The following HIVEP3 variants were observed in gnomAD, a reference collection of about 807,000 sequenced individuals.
The protein encoded by HIVEP3 is transcription factor HIVEP3.
In HIVEP3, 49 loss-of-function variants were observed where a neutral mutation model predicts 152.8. The ratio of observed to expected loss-of-function variants is 0.32; its 90% CI spans 0.26 to 0.41. The LOEUF (loss-of-function observed/expected upper bound fraction) is 0.41. HIVEP3 is among the 10% of genes least tolerant of loss of function. HIVEP3 has a pLI of 1.00. For missense variants in HIVEP3, 2,790 were observed against 3,103.3 expected, an observed-to-expected ratio of 0.90 and a Z score of 2.40; for synonymous variants, 1,269 against 1,289.0, an observed-to-expected ratio of 0.98 and a Z score of 0.33.
chr1:41,902,467 C>T (rs1363541625), intron 1 of HIVEP3, among the ~76,000 whole-genome samples: 2 of 152,132 alleles, frequency 1.3e-5, no homozygotes, highest in Non-Finnish European at 2.9e-5. Flanking sequence ...TACACCCCCA[C>T]CCCCCACTGC....
intron 2 of HIVEP3, among the ~76,000 whole-genome samples, chr1:41,682,622 G>A (rs911787709): frequency 6.6e-6 from 1 of 152,098 alleles, no homozygotes; most frequent in African/African-American, 2.4e-5. Context: ...GGAAACTGAC[G>A]CCCAGCCGGG....
chr1:41,832,119 C>A (rs535117629), intron 1 of HIVEP3, among the ~76,000 whole-genome samples: 1 of 152,314 alleles, frequency 6.6e-6, no homozygotes, highest in African/African-American at 2.4e-5. Flanking sequence ...GATGTTGATG[C>A]TTCTAGCCTA....
intron 1 of HIVEP3, among the ~76,000 whole-genome samples, chr1:41,961,461 A>ATC (rs1398755933): frequency 6.6e-6 from 1 of 152,266 alleles, no homozygotes; most frequent in Non-Finnish European, 1.5e-5. Context: ...TAGCACTTGC[A>ATC]TCTTGTATTT....
chr1:41,580,559 C>T lies in HIVEP3; in HGVS notation c.4239G>A (p.Glu1413=). ...PERKGTSLSS[E]SILSLEGSSS... Reference sequence around the variant, plus strand: ...AACTCCCCTCCAGGCTCAAGATACTCTCTGATGACAGGGAAGTGCCTTTTC... The same window carrying T: ...AACTCCCCTCCAGGCTCAAGATACTTTCTGATGACAGGGAAGTGCCTTTTC... The change falls in exon 4 of 9, where the codon GAG becomes GAA. Residue 1413 remains glutamate (E), a synonymous_variant. Coordinates refer to ENST00000372583, the MANE Select transcript of HIVEP3 (RefSeq NM_024503.5). 6.2e-7 allele frequency: 1 copy of T among 1,614,258 alleles called. No homozygotes were observed. Among genetic ancestry groups the T allele is most frequent in the Non-Finnish European group, 8.5e-7 (1 of 1,180,048 alleles).
intron 1 of HIVEP3, among the ~76,000 whole-genome samples, chr1:41,724,661 G>A (rs769308630): frequency 6.6e-6 from 1 of 152,220 alleles, no homozygotes; most frequent in Non-Finnish European, 1.5e-5. Flanking sequence ...TCAGTGAGAC[G>A]TGATGCATTA....
intron 3 of HIVEP3, among the ~76,000 whole-genome samples, chr1:41,604,782 T>C (rs1644793774): frequency 1.3e-5 from 2 of 152,118 alleles, no homozygotes; most frequent in African/African-American, 2.4e-5. Flanking sequence ...AGTTAAAGGA[T>C]AGGCGAAAAA....
At chr1:41,975,885 G>T (rs993087361) in intron 1 of HIVEP3, among the ~76,000 whole-genome samples, 4 of 152,114 alleles carry the variant, frequency 2.6e-5, no homozygotes, top group Non-Finnish European at 5.9e-5. Context: ...TCCAGGAGTG[G>T]GTGAACCAGC....
intron 5 of HIVEP3, among the ~76,000 whole-genome samples, chr1:41,545,533 TCACCAC>T (rs1371642687): frequency 4.2e-5 from 2 of 48,120 alleles, no homozygotes; most frequent in African/African-American, 7.7e-5. Flanking sequence ...ACCACTACCA[TCACCAC>T]CACCACCATC....
chr1:41,613,645 A>C (rs1167892064), intron 3 of HIVEP3, among the ~76,000 whole-genome samples: 3 of 152,252 alleles, frequency 2.0e-5, no homozygotes, highest in Non-Finnish European at 4.4e-5. Flanking sequence ...TATCTTTCTC[A>C]TAAACATAAC....
At position 41,817,903 on chromosome 1, in the gene HIVEP3, A is replaced by G. The variant is rs555410050; in HGVS notation, c.-801+100510T>C. 4.9e-4 allele frequency among the ~76,000 whole-genome samples: 74 copies of G among 152,222 alleles called. 1 individual carries two copies. The South Asian group carries it at 9.3e-3, about 19-fold the overall frequency. On this transcript the variant is annotated intron_variant, in intron 1 of 8. Coordinates refer to ENST00000372583, the MANE Select transcript of HIVEP3 (RefSeq NM_024503.5). ...GAAGAAAGCAGGTGGGGAGGGAGGAACACTATGGAAAGAGCATGAACTCCT... is the reference window on the plus strand; with the variant it reads ...GAAGAAAGCAGGTGGGGAGGGAGGAGCACTATGGAAAGAGCATGAACTCCT...
At chr1:41,665,751 G>T (rs1479483851) in intron 2 of HIVEP3, among the ~76,000 whole-genome samples, 1 of 50,024 alleles carries the variant, frequency 2.0e-5, no homozygotes, top group African/African-American at 1.1e-4. Context: ...GTCTGGATCT[G>T]CTGTAAAGCC....
chr1:41,518,666 G>T (rs1276528582), intron 6 of HIVEP3, among the ~76,000 whole-genome samples, 178 bp from the exon 7 acceptor site: 8 of 152,234 alleles, frequency 5.3e-5, no homozygotes, highest in African/African-American at 1.9e-4. Context: ...CTCAGGCCCA[G>T]AAGTGTAGCC....
At chr1:41,940,832 C>T (rs1274932818) in intron 1 of HIVEP3, among the ~76,000 whole-genome samples, 2 of 149,294 alleles carry the variant, frequency 1.3e-5, no homozygotes, top group Non-Finnish European at 3.0e-5. Flanking sequence ...AAGAGAGAAG[C>T]TGGTAAAGAC....
intron 1 of HIVEP3, among the ~76,000 whole-genome samples, chr1:41,739,778 C>T (rs1043645133): frequency 6.6e-6 from 1 of 152,228 alleles, no homozygotes; most frequent in Admixed American, 6.5e-5. Context: ...AAAACTGAGG[C>T]TCTCAGAGAC....
chr1:41,577,075 C>T (rs543651407), intron 4 of HIVEP3, among the ~76,000 whole-genome samples: 1 of 152,300 alleles, frequency 6.6e-6, no homozygotes, highest in South Asian at 2.1e-4. Context: ...ACTACTTCTC[C>T]CTCACAGCCT....
At chr1:41,990,464 A>C (rs1645353362) in intron 1 of HIVEP3, among the ~76,000 whole-genome samples, 1 of 148,132 alleles carries the variant, frequency 6.8e-6, no homozygotes, top group Non-Finnish European at 1.5e-5. Context: ...TCCTAAATAT[A>C]TATGCACCCA....
intron 5 of HIVEP3, among the ~76,000 whole-genome samples, chr1:41,548,160 G>A (rs1416926928): frequency 1.3e-5 from 2 of 152,192 alleles, no homozygotes; most frequent in African/African-American, 4.8e-5. Context: ...AGCAGTCCAG[G>A]AGGTGCCAGA....
At chr1:42,025,520 A>G (rs1321313957) in intron 1 of HIVEP3, among the ~76,000 whole-genome samples, 1 of 152,090 alleles carries the variant, frequency 6.6e-6, no homozygotes, top group African/African-American at 2.4e-5. Flanking sequence ...CTTTTATTCT[A>G]TTCATTGCTT....
At position 41,528,377 on chromosome 1, in the gene HIVEP3, TCA is replaced by T. The variant is rs1187865894; in HGVS notation, c.5208-3469_5208-3468del. Among the ~76,000 whole-genome samples the T allele has an allele frequency of 8.6e-5, 8 of 93,240 alleles. No individual in the cohort carries two copies. The East Asian group carries it at 2.4e-3, about 28-fold the overall frequency. 61.2% of individuals were successfully genotyped at this position (93,240 alleles called of 152,430 possible). A position where few individuals can be genotyped will look rare whatever the true frequency, so the allele number is the denominator to read the frequency against. ...CCACACCCCGCCCTTACACTCACCT[TCA>T]CACAGTCCACACGCCCACCCTCACC... On this transcript the variant is annotated intron_variant, in intron 5 of 8. Transcript: ENST00000372583.
Sources: allele counts gnomAD v4.1 joint callset (sites outside exome capture counted in the v4.1 genomes callset), GRCh38; gene constraint gnomAD v4.1.1; transcripts MANE v1.5; gene names NCBI Gene and HGNC (gene_info 2026-07-23, HGNC 2026-07-21).